Variants in ATP10D observed in about 807,000 individuals in gnomAD.
ATP10D encodes ATPase phospholipid transporting 10D (putative).
In ATP10D, 89 loss-of-function variants were observed where a neutral mutation model predicts 144.8. That is an observed-to-expected ratio of 0.61 (90% CI 0.52 to 0.73). The LOEUF is 0.73. Among genes scored for constraint, ATP10D ranks in the 30% least tolerant of loss-of-function variants. ATP10D has a pLI of 0.00. For missense variants in ATP10D, 1,603 were observed against 1,714.8 expected (o/e 0.93, Z 1.15); for synonymous variants, 571 against 615.1 (o/e 0.93, Z 1.06).
chr4:47,550,210 C>T (rs976692676), intron 10 of ATP10D, among the ~76,000 whole-genome samples: 12 of 152,022 alleles, frequency 7.9e-5, no homozygotes, highest in African/African-American at 1.2e-4. Flanking sequence ...ACTACTAAAC[C>T]GTGGGTTTTT....
chr4:47,554,248 A>G (rs1364113853), intron 10 of ATP10D, among the ~76,000 whole-genome samples: 1 of 152,188 alleles, frequency 6.6e-6, no homozygotes, highest in African/African-American at 2.4e-5. Context: ...AATCATTTTT[A>G]TTTTTGGAGA....
chr4:47,546,531 G>A, intron 9 of ATP10D, 93 bp from the exon 10 acceptor site: 1 of 1,123,300 alleles, frequency 8.9e-7, no homozygotes, highest in Admixed American at 1.8e-5. Flanking sequence ...GGGAGGAGAT[G>A]GTGTGAAATA....
chr4:47,532,085 C>G (rs1187455768), intron 5 of ATP10D, among the ~76,000 whole-genome samples: 1 of 152,210 alleles, frequency 6.6e-6, no homozygotes, highest in Non-Finnish European at 1.5e-5. Flanking sequence ...CTTGCTACCT[C>G]AGAACTGTTT....
intron 1 of ATP10D, among the ~76,000 whole-genome samples, chr4:47,506,232 T>C (rs1716015990): frequency 1.3e-5 from 2 of 152,190 alleles, no homozygotes; most frequent in Non-Finnish European, 2.9e-5. Context: ...TGATTGGACA[T>C]GTTGAGAAAA....
In ATP10D at chr4:47,512,491, G is replaced by T. The variant is rs762063564; in HGVS notation, c.-37-13G>T. ...AGAAGCTCATGGAAGTGTGGTTTTT[G>T]TTTGTTTGCCAGGTCAGCTACACAA... is the stretch of plus-strand genomic sequence containing the variant. On this transcript the variant is annotated splice_polypyrimidine_tract_variant and intron_variant, in intron 1 of 22. Transcript: ENST00000273859. 1.3e-6 allele frequency: 2 copies of T among 1,515,584 alleles called. No individual in the cohort carries two copies. The highest frequency in any genetic ancestry group is 2.1e-5 in the Admixed American group (1 of 48,394). The allele number at this position is 1,515,584 out of a possible 1,614,324, so 93.9% of individuals were successfully genotyped here. A position where few individuals can be genotyped will look rare whatever the true frequency, so the allele number is the denominator to read the frequency against.
At chr4:47,557,600 G>T (rs1719044805) in intron 11 of ATP10D, 64 bp from the exon 12 acceptor site, 1 of 1,431,324 alleles carries the variant, frequency 7.0e-7, no homozygotes, top group South Asian at 1.7e-5. Context: ...TTTCCAGTTT[G>T]CCTTCAAAGT....
chr4:47,506,990 T>G (rs4467534), intron 1 of ATP10D, among the ~76,000 whole-genome samples: 24,130 of 152,194 alleles, frequency 0.16, 2,022 homozygotes, highest in South Asian at 0.24. Context: ...GAGAAGAGAA[T>G]ATTGCTATCC....
intron 1 of ATP10D, among the ~76,000 whole-genome samples, chr4:47,497,370 G>A (rs549387465): frequency 1.3e-4 from 20 of 152,118 alleles, no homozygotes; most frequent in Middle Eastern, 3.2e-3. Flanking sequence ...CAGGAGAATC[G>A]CTTGAACCGG....
intron 19 of ATP10D, 134 bp from the exon 20 acceptor site, chr4:47,580,264 C>A: frequency 5.4e-6 from 4 of 739,564 alleles, no homozygotes; most frequent in Non-Finnish European, 9.4e-6. Context: ...CTTATCTTTA[C>A]CTCTGTTGAC....
rs756183741 is a variant in ATP10D, at chr4:47,512,516, A to G, written c.-25A>G. The G allele has an allele frequency of 9.4e-6, 15 of 1,592,618 alleles. No individual in the cohort carries two copies. The South Asian group carries it at 1.0e-4, about 11-fold the overall frequency. On this transcript the variant is annotated 5_prime_UTR_variant, in exon 2 of 23. Transcript: ENST00000273859. ...GTTTGTTTGCCAGGTCAGCTACACA[A>G]CCTGGATCTTACCACAGTTTGGATA...
intron 4 of ATP10D, among the ~76,000 whole-genome samples, chr4:47,524,922 T>C (rs1047951902): frequency 6.6e-6 from 1 of 152,206 alleles, no homozygotes; most frequent in African/African-American, 2.4e-5. Flanking sequence ...ATAGCATTTA[T>C]CTTACTGGTC....
intron 19 of ATP10D, among the ~76,000 whole-genome samples, chr4:47,579,035 A>C (rs1338553188): frequency 6.6e-6 from 1 of 152,206 alleles, no homozygotes; most frequent in African/African-American, 2.4e-5. Context: ...TAGCTCAGGG[A>C]TGTGACACAT....
At chr4:47,536,110 A>G in intron 7 of ATP10D, 77 bp downstream of exon 7, 1 of 1,502,208 alleles carries the variant, frequency 6.7e-7, no homozygotes, top group African/African-American at 1.4e-5. Context: ...TATATCTGTG[A>G]ATATTTGACT....
intron 10 of ATP10D, among the ~76,000 whole-genome samples, chr4:47,552,023 G>A (rs1203024886): frequency 6.6e-6 from 1 of 152,116 alleles, no homozygotes; most frequent in African/African-American, 2.4e-5. Context: ...TAAATCTTCT[G>A]GGCTCTTTTA....
intron 9 of ATP10D, 150 bp from the exon 10 acceptor site, chr4:47,546,474 A>C: frequency 2.8e-6 from 2 of 702,286 alleles, no homozygotes; most frequent in Non-Finnish European, 5.0e-6. Flanking sequence ...AGGTAAGTTC[A>C]TTGACCAAGG....
At chr4:47,545,311 C>T (rs553714634) in intron 9 of ATP10D, among the ~76,000 whole-genome samples, 1 of 152,270 alleles carries the variant, frequency 6.6e-6, no homozygotes, top group African/African-American at 2.4e-5. Context: ...TTATTTAAGC[C>T]AGGATAGGGA....
At chr4:47,578,669 C>T (rs760197669) in intron 19 of ATP10D, among the ~76,000 whole-genome samples, 2 of 152,074 alleles carry the variant, frequency 1.3e-5, no homozygotes, top group African/African-American at 2.4e-5. Context: ...TTTGCTTGCC[C>T]CTTTGTCTCT....
chr4:47,562,942 A>C (rs1719400754), intron 14 of ATP10D, among the ~76,000 whole-genome samples: 1 of 152,228 alleles, frequency 6.6e-6, no homozygotes, highest in African/African-American at 2.4e-5. Context: ...ACTGGATGCC[A>C]TTATCTTAAG....
intron 16 of ATP10D, 127 bp from the exon 17 acceptor site, chr4:47,572,027 A>T: frequency 1.2e-6 from 1 of 835,356 alleles, no homozygotes; most frequent in Non-Finnish European, 2.0e-6. Flanking sequence ...ACTTCCAGGA[A>T]ACTTGGAGAA....
Sources: allele counts gnomAD v4.1 joint callset (sites outside exome capture counted in the v4.1 genomes callset), GRCh38; gene constraint gnomAD v4.1.1; transcripts MANE v1.5; gene names NCBI Gene and HGNC (gene_info 2026-07-23, HGNC 2026-07-21).